The following ADGRL2 variants were observed in gnomAD, a reference collection of about 807,000 sequenced individuals.
The protein encoded by ADGRL2 is adhesion G protein-coupled receptor L2, also known as calcium-independent alpha-latrotoxin receptor 2.
In ADGRL2, 44 loss-of-function variants were observed where a neutral mutation model predicts 157.4. The observed-to-expected ratio is 0.28, with a 90% confidence interval of 0.22 to 0.36. The LOEUF (loss-of-function observed/expected upper bound fraction) is 0.36. ADGRL2 is among the 10% of genes least tolerant of loss of function. ADGRL2 has a pLI of 1.00. For synonymous variants in ADGRL2, 585 were observed against 624.7 expected, an observed-to-expected ratio of 0.94 and a Z score of 0.95; for missense variants, 1,510 against 1,768.9, an observed-to-expected ratio of 0.85 and a Z score of 2.63.
At chr1:81,895,114 C>A (rs374548921) in intron 2 of ADGRL2, among the ~76,000 whole-genome samples, 1 of 152,152 alleles carries the variant, frequency 6.6e-6, no homozygotes, top group South Asian at 2.1e-4. Flanking sequence ...GCAGTGGTTG[C>A]GTGTGGTCAC....
rs377631990 is a variant in ADGRL2 at position 81,403,214 on chromosome 1, T to C, written c.-301-41822T>C. Among the ~76,000 whole-genome samples, 35 of 121,710 alleles carry C rather than the reference T, an allele frequency of 2.9e-4. No homozygotes were observed. In the East Asian group the frequency reaches 6.0e-3, roughly 21 times the overall value. 79.8% of individuals were successfully genotyped at this position (121,710 alleles called of 152,430 possible). A position where few individuals can be genotyped will look rare whatever the true frequency, so the allele number is the denominator to read the frequency against. The stretch of plus-strand genomic sequence containing the variant: ...AAAAAGGGAGCTATTGGAATGTACG[T>C]AACACTTTTCCTTGTTTTTTTTTTG... On this transcript the variant is annotated intron_variant, in intron 1 of 24. Transcript: ENST00000370721.
intron 2 of ADGRL2, among the ~76,000 whole-genome samples, chr1:81,481,953 A>G (rs368077902): frequency 6.6e-6 from 1 of 152,008 alleles, no homozygotes; most frequent in Non-Finnish European, 1.5e-5. Context: ...ACCCATATCT[A>G]TGTACTCTAT....
At chr1:81,528,646 CAAAAAAAAAAA>C (rs59842382) in intron 2 of ADGRL2, among the ~76,000 whole-genome samples, 12 of 114,662 alleles carry the variant, frequency 1.0e-4, no homozygotes, top group African/African-American at 3.4e-4. Context: ...GACTCCATCT[CAAAAAAAAAAA>C]AAAAAAAAAA....
chr1:81,939,994 A>G (rs1231664905), intron 4 of ADGRL2, among the ~76,000 whole-genome samples: 1 of 151,228 alleles, frequency 6.6e-6, no homozygotes, highest in African/African-American at 2.4e-5. Flanking sequence ...TATAATTTAT[A>G]CTTATTTTCC....
chr1:81,349,948 C>G (rs1173189020), intron 1 of ADGRL2, among the ~76,000 whole-genome samples: 2 of 152,094 alleles, frequency 1.3e-5, no homozygotes, highest in Admixed American at 6.6e-5. Flanking sequence ...TTACAATCTT[C>G]TATTCTCATG....
rs557260109 is a variant in ADGRL2, at chr1:81,663,381, G to A, written c.-143+82401G>A. ...CACCTCCCGGATCCATACACCTCTCGCCTACGAATAGAGTAGTTAAGCTTC... is the reference window on the plus strand; with the variant it reads ...CACCTCCCGGATCCATACACCTCTCACCTACGAATAGAGTAGTTAAGCTTC... On this transcript the variant is annotated intron_variant, in intron 3 of 24. Transcript: ENST00000370721. 2.3e-3 allele frequency among the ~76,000 whole-genome samples: 356 copies of A among 152,112 alleles called. 1 individual carries two copies. The highest frequency in any genetic ancestry group is 8.1e-3 in the African/African-American group (335 of 41,500).
intron 1 of ADGRL2, among the ~76,000 whole-genome samples, chr1:81,705,450 G>C (rs2083702315): frequency 6.6e-6 from 1 of 152,014 alleles, no homozygotes; most frequent in South Asian, 2.1e-4. Flanking sequence ...GTTTCACCAT[G>C]TTGGCCAGAC....
intron 1 of ADGRL2, among the ~76,000 whole-genome samples, chr1:81,349,023 A>T (rs1186306415): frequency 6.6e-6 from 1 of 152,202 alleles, no homozygotes; most frequent in Non-Finnish European, 1.5e-5. Context: ...AGTCACACTG[A>T]TTTTTGATTA....
At chr1:81,673,661 C>T (rs2082922575) in intron 3 of ADGRL2, among the ~76,000 whole-genome samples, 1 of 151,784 alleles carries the variant, frequency 6.6e-6, no homozygotes, top group Admixed American at 6.6e-5. Flanking sequence ...ACTACAGGCG[C>T]CCACCACCAC....
chr1:81,660,456 A>G (rs1292232702), intron 3 of ADGRL2, among the ~76,000 whole-genome samples: 1 of 152,088 alleles, frequency 6.6e-6, no homozygotes, highest in Non-Finnish European at 1.5e-5. Context: ...CCTTACCCTT[A>G]TTAGTGCTGT....
intron 2 of ADGRL2, among the ~76,000 whole-genome samples, chr1:81,460,126 C>T (rs2077895473): frequency 6.6e-6 from 1 of 151,808 alleles, no homozygotes; most frequent in Non-Finnish European, 1.5e-5. Context: ...ATACCTGTTG[C>T]CCATTTGTAT....
At chr1:81,393,321 A>G (rs1367985276) in intron 1 of ADGRL2, among the ~76,000 whole-genome samples, 5 of 151,346 alleles carry the variant, frequency 3.3e-5, no homozygotes, top group Non-Finnish European at 7.4e-5. Flanking sequence ...GTTATGTAGA[A>G]GATTCAGATA....
At chr1:81,695,756 G>C (rs942646860), upstream of ADGRL2, among the ~76,000 whole-genome samples, 1 of 151,852 alleles carries the variant, frequency 6.6e-6, no homozygotes, top group Non-Finnish European at 1.5e-5. Context: ...GGGAGGCGGA[G>C]GTTGCAGTGA....
chr1:81,883,241 A>T (rs1348919266), intron 2 of ADGRL2, among the ~76,000 whole-genome samples: 5 of 152,202 alleles, frequency 3.3e-5, no homozygotes, highest in African/African-American at 4.8e-5. Flanking sequence ...AGAATTTTTT[A>T]AAAAATTATA....
chr1:81,943,517 A>G lies in ADGRL2; in HGVS notation c.958A>G (p.Met320Val), dbSNP rs959532564. Residue 320 changes from methionine (M) to valine (V), a missense_variant, in exon 6 of 24, where the codon ATG (methionine) becomes GTG (valine). Physicochemically the swap from Met to Val is conservative, Grantham distance 21. Around this residue, in one of 4 missense-constraint regions of ADGRL2, gnomAD observed 361 missense variants for 498.4 expected, o/e 0.72. Coordinates refer to ENST00000686636, the MANE Select transcript of ADGRL2 (RefSeq NM_001366006.2). The surrounding 1 kb of genome is among the most constrained non-coding windows in gnomAD (Gnocchi z 5.6). ...CAAACGTGCCGCATCAAATGCTTTTATGATATGCGGAGTCCTCTATGTGGT... is the reference window on the plus strand; with the variant it reads ...CAAACGTGCCGCATCAAATGCTTTTGTGATATGCGGAGTCCTCTATGTGGT... ...YDKRAASNAF[M>V]ICGVLYVVRS... 6.2e-7 allele frequency: 1 copy of G among 1,613,786 alleles called. No homozygotes were observed. Among genetic ancestry groups the G allele is most frequent in the African/African-American group, 1.3e-5 (1 of 75,032 alleles).
intron 3 of ADGRL2, among the ~76,000 whole-genome samples, chr1:81,692,031 T>C (rs192780656): frequency 6.6e-6 from 1 of 151,634 alleles, no homozygotes; most frequent in Admixed American, 6.6e-5. Flanking sequence ...ATATGATATA[T>C]ATATATTCAC....
intron 3 of ADGRL2, among the ~76,000 whole-genome samples, chr1:81,618,851 G>T (rs948001913): frequency 2.7e-5 from 4 of 148,002 alleles, no homozygotes; most frequent in South Asian, 4.3e-4. Flanking sequence ...TCTGGAGAAG[G>T]TTTTTTTTTT....
Position 81,314,247 on chromosome 1 carries a change from G to A in ADGRL2, c.-302+7738G>A, listed in dbSNP as rs554669948. Among the ~76,000 whole-genome samples, 26 of 152,268 alleles carry A rather than the reference G, an allele frequency of 1.7e-4. 1 individual carries two copies. In the South Asian group the frequency reaches 5.0e-3, roughly 29 times the overall value. On this transcript the variant is annotated intron_variant, in intron 1 of 24. Coordinates refer to the ADGRL2 transcript ENST00000370721. ...TAAACCCATATACATGTGTATCTATGTCATAAAGTGCAGACTGTGGATTAT... is the reference window on the plus strand; with the variant it reads ...TAAACCCATATACATGTGTATCTATATCATAAAGTGCAGACTGTGGATTAT...
chr1:81,972,534 C>A (rs1253183148), intron 17 of ADGRL2, among the ~76,000 whole-genome samples: 1 of 152,074 alleles, frequency 6.6e-6, no homozygotes, highest in Non-Finnish European at 1.5e-5. Context: ...TATTTTTAAA[C>A]ATCTTATATT....
Sources: allele counts gnomAD v4.1 joint callset (sites outside exome capture counted in the v4.1 genomes callset), GRCh38; gene constraint gnomAD v4.1.1; regional missense constraint gnomAD v4.1.1; non-coding constraint Gnocchi (gnomAD v3.1); transcripts MANE v1.5; gene names NCBI Gene and HGNC (gene_info 2026-07-23, HGNC 2026-07-21).